Variants in ADCY2 observed in about 807,000 individuals in gnomAD.
ADCY2 encodes the protein adenylate cyclase type 2.
A neutral mutation model predicts 125.2 loss-of-function variants in ADCY2; 31 were observed. The ratio of observed to expected loss-of-function variants is 0.25; its 90% CI spans 0.19 to 0.33. The LOEUF (loss-of-function observed/expected upper bound fraction) is 0.33. Ranked by LOEUF, ADCY2 falls within the 10% of genes least tolerant of loss-of-function variation. The pLI, the probability that ADCY2 is intolerant of heterozygous loss-of-function variation, is 1.00. For synonymous variants in ADCY2, 512 were observed against 548.4 expected (o/e 0.93, Z 0.93); for missense variants, 904 against 1,418.2 (o/e 0.64, Z 5.82).
chr5:7,477,104 CTTATAG>C (rs886686035), intron 2 of ADCY2, among the ~76,000 whole-genome samples: 4 of 152,028 alleles, frequency 2.6e-5, no homozygotes, highest in Non-Finnish European at 5.9e-5. Context: ...CGCTCTTGTT[CTTATAG>C]TTATATTTAT....
intron 15 of ADCY2, among the ~76,000 whole-genome samples, chr5:7,751,010 C>T (rs1453419498): frequency 2.0e-5 from 3 of 152,142 alleles, no homozygotes; most frequent in African/African-American, 7.2e-5. Context: ...CTCTGTGTCT[C>T]AGTCTCTTTT....
intron 2 of ADCY2, among the ~76,000 whole-genome samples, chr5:7,475,580 C>G (rs1470400396): frequency 6.6e-6 from 1 of 152,178 alleles, no homozygotes; most frequent in East Asian, 1.9e-4. Context: ...CGGAGTTTCG[C>G]CACGTTGGCC....
intron 22 of ADCY2, among the ~76,000 whole-genome samples, chr5:7,812,815 C>T (rs967076288): frequency 2.0e-5 from 3 of 152,174 alleles, no homozygotes; most frequent in Non-Finnish European, 2.9e-5. Flanking sequence ...GAGGCTGAGG[C>T]AGGAGAGTGG....
intron 22 of ADCY2, among the ~76,000 whole-genome samples, chr5:7,812,813 G>A (rs1024050672): frequency 2.0e-5 from 3 of 152,344 alleles, no homozygotes; most frequent in Non-Finnish European, 4.4e-5. Context: ...GGGAGGCTGA[G>A]GCAGGAGAGT....
At chr5:7,673,546 G>T (rs182090997) in intron 4 of ADCY2, among the ~76,000 whole-genome samples, 1 of 152,194 alleles carries the variant, frequency 6.6e-6, no homozygotes, top group Admixed American at 6.5e-5. Flanking sequence ...TTGGAGTTGG[G>T]TACTTCATCG....
chr5:7,463,820 G>A (rs1202421321), intron 2 of ADCY2, among the ~76,000 whole-genome samples: 1 of 152,130 alleles, frequency 6.6e-6, no homozygotes, highest in African/African-American at 2.4e-5. Flanking sequence ...GGTTTCAAAG[G>A]TGGGATAGGA....
At chr5:7,662,298 T>G (rs1739559886) in intron 4 of ADCY2, among the ~76,000 whole-genome samples, 1 of 152,232 alleles carries the variant, frequency 6.6e-6, no homozygotes, top group African/African-American at 2.4e-5. Context: ...TCCATCAGTG[T>G]TCTGGAAGCA....
intron 3 of ADCY2, among the ~76,000 whole-genome samples, chr5:7,550,479 TGAA>T (rs1196578963): frequency 2.0e-5 from 3 of 152,212 alleles, no homozygotes; most frequent in Non-Finnish European, 4.4e-5. Context: ...TTGCATCATA[TGAA>T]GAAGTACTTT....
intron 3 of ADCY2, among the ~76,000 whole-genome samples, chr5:7,573,409 CA>C (rs1561102602): frequency 6.6e-6 from 1 of 151,898 alleles, no homozygotes; most frequent in Non-Finnish European, 1.5e-5. Context: ...GAGTGGGTGT[CA>C]GGGGTGTGTG....
At chr5:7,653,933 A>G (rs934373183) in intron 4 of ADCY2, 11 of 341,932 alleles carry the variant, frequency 3.2e-5, no homozygotes, top group Admixed American at 3.2e-4. Flanking sequence ...TTAAGAGTTC[A>G]GTTCTAGACT....
At chr5:7,805,547 G>A (rs1407724756) in intron 22 of ADCY2, among the ~76,000 whole-genome samples, 1 of 152,074 alleles carries the variant, frequency 6.6e-6, no homozygotes, top group Non-Finnish European at 1.5e-5. Context: ...TTCCCCTCAG[G>A]ACAGTGGCCT....
chr5:7,443,552 A>ATGG (rs1406577240), intron 2 of ADCY2, among the ~76,000 whole-genome samples: 6 of 144,454 alleles, frequency 4.2e-5, no homozygotes, highest in African/African-American at 1.5e-4. Flanking sequence ...AGGCAGGAGA[A>ATGG]TGGCGTGAAC....
intron 16 of ADCY2, among the ~76,000 whole-genome samples, chr5:7,757,815 A>G (rs951736033): frequency 3.3e-5 from 5 of 152,206 alleles, no homozygotes; most frequent in Non-Finnish European, 7.3e-5. Flanking sequence ...GCTCCTTTGC[A>G]ACACCAGTTG....
intron 12 of ADCY2, among the ~76,000 whole-genome samples, chr5:7,720,520 T>C (rs1346641989): frequency 1.3e-5 from 2 of 152,070 alleles, no homozygotes; most frequent in Non-Finnish European, 2.9e-5. Context: ...TTACATTAGG[T>C]ATATCTCCTA....
chr5:7,731,320 A>G (rs1742097707), intron 14 of ADCY2, among the ~76,000 whole-genome samples: 1 of 150,544 alleles, frequency 6.6e-6, no homozygotes, highest in Non-Finnish European at 1.5e-5. Flanking sequence ...CAGTGGCACA[A>G]TCTCAGCTCA....
chr5:7,564,634 C>G (rs1242127099), intron 3 of ADCY2, among the ~76,000 whole-genome samples: 1 of 152,140 alleles, frequency 6.6e-6, no homozygotes, highest in Non-Finnish European at 1.5e-5. Flanking sequence ...GCTCTCTGCT[C>G]ATAGTTATTG....
intron 2 of ADCY2, among the ~76,000 whole-genome samples, chr5:7,450,406 G>GA (rs1208329136): frequency 3.9e-5 from 6 of 152,196 alleles, no homozygotes; most frequent in African/African-American, 1.4e-4. Context: ...CTAATCCAGA[G>GA]AAAGGCCCTA....
At chr5:7,490,293 G>C (rs1221099837) in intron 2 of ADCY2, among the ~76,000 whole-genome samples, 1 of 152,040 alleles carries the variant, frequency 6.6e-6, no homozygotes, top group African/African-American at 2.4e-5. Flanking sequence ...TACTTTCCAT[G>C]ATATTAAATT....
At chr5:7,501,365 C>G (rs1453805295) in intron 2 of ADCY2, among the ~76,000 whole-genome samples, 1 of 152,158 alleles carries the variant, frequency 6.6e-6, no homozygotes, top group Non-Finnish European at 1.5e-5. Context: ...GATTAACAAC[C>G]TTGAGGCATA....
Sources: gnomAD v4.1 joint callset for allele counts (sites outside exome capture counted in the v4.1 genomes callset) on GRCh38, gnomAD v4.1.1 for gene constraint, MANE v1.5 for transcripts, NCBI Gene and HGNC (gene_info 2026-07-23, HGNC 2026-07-21) for gene names.